The following FIGN variants were observed in gnomAD, a reference collection of about 807,000 sequenced individuals.
FIGN encodes fidgetin.
In FIGN, 11 loss-of-function variants were observed where a neutral mutation model predicts 51.3. The observed-to-expected ratio is 0.21, with a 90% confidence interval of 0.13 to 0.35. FIGN has a LOEUF of 0.35. Ranked by LOEUF, FIGN falls within the 10% of genes least tolerant of loss-of-function variation. The pLI is 1.00. For missense variants in FIGN, 857 were observed against 943.6 expected, an observed-to-expected ratio of 0.91 and a Z score of 1.20; for synonymous variants, 407 against 363.2, an observed-to-expected ratio of 1.12 and a Z score of -1.37.
Position 163,606,136 on chromosome 2 carries a change from AATAG to A in FIGN, c.*3412_*3415del, listed in dbSNP as rs1691106652. 1 of 152,152 alleles carries A rather than the reference AATAG, an allele frequency of 6.6e-6. No individual in the cohort carries two copies. Among genetic ancestry groups the A allele is most frequent in the Non-Finnish European group, 1.5e-5 (1 of 68,030 alleles). The allele number at this position is 152,152 out of a possible 1,614,324, so 9.4% of individuals were successfully genotyped here. On this transcript the variant is annotated 3_prime_UTR_variant, in exon 3 of 3. Transcript: ENST00000333129. ...CATTTGAGTAGAATACAAACTGACT[AATAG>A]ATAAACATTCTGTGTGAAAGTAAAT...
intron 2 of FIGN, among the ~76,000 whole-genome samples, chr2:163,687,243 T>G (rs1344319331): frequency 1.3e-5 from 2 of 152,150 alleles, no homozygotes; most frequent in Non-Finnish European, 2.9e-5. Context: ...GATATAATAT[T>G]GAAGGAATTG....
chr2:163,656,758 ATGCTTTCTGGAGTTAGATTGTCAAGAGC>A (rs1217915172), intron 2 of FIGN, among the ~76,000 whole-genome samples: 1 of 152,190 alleles, frequency 6.6e-6, no homozygotes, highest in East Asian at 1.9e-4. Context: ...GAGGGTGGGA[ATGCTTTCTGGAGTTAGATTGTCAAGAGC>A]TGCTTTTTAA....
At chr2:163,677,823 C>A (rs754359986) in intron 2 of FIGN, among the ~76,000 whole-genome samples, 9 of 152,164 alleles carry the variant, frequency 5.9e-5, no homozygotes, top group Non-Finnish European at 1.0e-4. Context: ...GACATTTTAA[C>A]CTTTCCTATC....
At chr2:163,719,201 C>CT (rs1277564806) in intron 2 of FIGN, among the ~76,000 whole-genome samples, 2 of 152,066 alleles carry the variant, frequency 1.3e-5, no homozygotes, top group African/African-American at 2.4e-5. Flanking sequence ...TTTATTCTGT[C>CT]TGACTTTATG....
At chr2:163,646,882 C>T (rs1683391123) in intron 2 of FIGN, among the ~76,000 whole-genome samples, 1 of 152,186 alleles carries the variant, frequency 6.6e-6, no homozygotes, top group Admixed American at 6.5e-5. Flanking sequence ...GAATGCAACT[C>T]ATTGAAGAAG....
rs940981487 is a variant in FIGN, at chr2:163,706,433, C to A, written c.25+28470G>T. On this transcript the variant is annotated intron_variant, in intron 2 of 2. Transcript: ENST00000333129. ...CTGTGACACTATTAATAAGCACACA[C>A]AATCCACTCAAATATTGTATATTAA... Among the ~76,000 whole-genome samples the A allele has an allele frequency of 3.3e-5, 5 of 152,078 alleles. No individual in the cohort carries two copies. In the East Asian group the frequency reaches 9.6e-4, roughly 29 times the overall value.
chr2:163,710,476 C>A (rs1301425489), intron 2 of FIGN, among the ~76,000 whole-genome samples: 3 of 152,106 alleles, frequency 2.0e-5, no homozygotes, highest in Non-Finnish European at 2.9e-5. Context: ...ATGCATTGGC[C>A]AACAAGAGAG....
chr2:163,678,409 C>A (rs889862125), intron 2 of FIGN, among the ~76,000 whole-genome samples: 1 of 151,974 alleles, frequency 6.6e-6, no homozygotes, highest in East Asian at 1.9e-4. Flanking sequence ...TTAGTAGAGA[C>A]GGGTTTTCAA....
rs182435697 is a variant in FIGN, at chr2:163,679,668, G to A, written c.25+55235C>T. On this transcript the variant is annotated intron_variant, in intron 2 of 2. Coordinates refer to ENST00000333129, the MANE Select transcript of FIGN (RefSeq NM_018086.4). ...TTGTTATTGAGTGTTTATATGAGAAGCAGGGAGGTTTAAAGGTTCAATTTT... is the reference window on the plus strand; with the variant it reads ...TTGTTATTGAGTGTTTATATGAGAAACAGGGAGGTTTAAAGGTTCAATTTT... Among the ~76,000 whole-genome samples the A allele has an allele frequency of 3.2e-3, 490 of 152,236 alleles. 3 individuals are homozygous for A. Among genetic ancestry groups the A allele is most frequent in the African/African-American group, 0.012 (478 of 41,542 alleles).
intron 2 of FIGN, among the ~76,000 whole-genome samples, chr2:163,718,519 A>T (rs1019586556): frequency 5.3e-5 from 8 of 152,172 alleles, no homozygotes; most frequent in African/African-American, 1.9e-4. Context: ...CAAGGGTGCC[A>T]TCTAAGTAGT....
chr2:163,617,078 G>C (rs554919604), intron 2 of FIGN: 1 of 983,906 alleles, frequency 1.0e-6, no homozygotes, highest in Non-Finnish European at 1.2e-6. Context: ...TAAGCCAAGA[G>C]GCCAACACAG....
intron 2 of FIGN, among the ~76,000 whole-genome samples, chr2:163,640,057 T>A (rs1293394639): frequency 2.0e-5 from 3 of 152,318 alleles, no homozygotes; most frequent in Admixed American, 2.0e-4. Flanking sequence ...TTCATATACT[T>A]GTACATGTGT....
chr2:163,672,375 G>A (rs1182461740), intron 2 of FIGN, among the ~76,000 whole-genome samples: 2 of 152,110 alleles, frequency 1.3e-5, no homozygotes, highest in Non-Finnish European at 2.9e-5. Context: ...AGAAAGCTAG[G>A]AGACTAAAGG....
chr2:163,675,302 A>T (rs1219977208), intron 2 of FIGN, among the ~76,000 whole-genome samples: 1 of 152,234 alleles, frequency 6.6e-6, no homozygotes, highest in Admixed American at 6.5e-5. Flanking sequence ...TGACACACAG[A>T]TCATGTCTGT....
At chr2:163,657,746 A>G (rs189082936) in intron 2 of FIGN, among the ~76,000 whole-genome samples, 1 of 152,304 alleles carries the variant, frequency 6.6e-6, no homozygotes, top group East Asian at 1.9e-4. Context: ...TGTAGAATAT[A>G]AAAGGAATTA....
At chr2:163,685,322 A>G (rs1324314451) in intron 2 of FIGN, among the ~76,000 whole-genome samples, 1 of 152,144 alleles carries the variant, frequency 6.6e-6, no homozygotes, top group Non-Finnish European at 1.5e-5. Flanking sequence ...ATAAAGAAAA[A>G]CTGTGAAAAT....
At chr2:163,696,679 T>C (rs2105348254) in intron 2 of FIGN, among the ~76,000 whole-genome samples, 1 of 152,162 alleles carries the variant, frequency 6.6e-6, no homozygotes, top group Non-Finnish European at 1.5e-5. Context: ...TTTTGTTTTG[T>C]TTTTTTAAGA....
At position 163,610,771 on chromosome 2, in the gene FIGN, T is replaced by C. The variant is rs763323004; in HGVS notation, c.1061A>G (p.Asn354Ser). 1 of 1,614,206 alleles carries C rather than the reference T, an allele frequency of 6.2e-7. No homozygotes were observed. Among genetic ancestry groups the C allele is most frequent in the Non-Finnish European group, 8.5e-7 (1 of 1,180,030 alleles). Residue 354 changes from asparagine to serine, a missense_variant, in exon 3 of 3, where the codon AAC (asparagine) becomes AGC (serine). By Grantham distance (46) the Asn-to-Ser change is conservative (BLOSUM62 1). Transcript: ENST00000333129. The part of the protein sequence containing the change: ...TQSPMYRMPD[N>S]SISNTNRGNG... ...CCCCCGATTTGTGTTTGAAATGCTG[T>C]TGTCGGGCATTCTGTACATAGGACT...
In FIGN at chr2:163,603,528, C is replaced by T. The variant is rs192816091; in HGVS notation, c.*6024G>A. Reference sequence around the variant, plus strand: ...AATACAGTAAACAAATAAAACAAAACAAAAACCCTCTCTTAATCACTACTA... The same window carrying T: ...AATACAGTAAACAAATAAAACAAAATAAAAACCCTCTCTTAATCACTACTA... On this transcript the variant is annotated 3_prime_UTR_variant, in exon 3 of 3. Coordinates refer to ENST00000333129, the MANE Select transcript of FIGN (RefSeq NM_018086.4). 6.6e-6 allele frequency: 1 copy of T among 151,942 alleles called. No homozygotes were observed. The highest frequency in any genetic ancestry group is 1.9e-4 in the East Asian group (1 of 5,166). The allele number at this position is 151,942 out of a possible 1,614,324, so 9.4% of individuals were successfully genotyped here. A position where few individuals can be genotyped will look rare whatever the true frequency, so the allele number is the denominator to read the frequency against.
Sources: allele counts gnomAD v4.1 joint callset (sites outside exome capture counted in the v4.1 genomes callset), GRCh38; gene constraint gnomAD v4.1.1; transcripts MANE v1.5; gene names NCBI Gene and HGNC (gene_info 2026-07-23, HGNC 2026-07-21).